Variants in DMD observed in about 807,000 individuals in gnomAD.
DMD encodes the protein mutant dystrophin.
In DMD, 63 loss-of-function variants were observed where a neutral mutation model predicts 330.1. The observed-to-expected ratio is 0.19, with a 90% CI of 0.16 to 0.24. The LOEUF is 0.24. Ranked by LOEUF, DMD falls within the 10% of genes least tolerant of loss-of-function variation. The pLI, the probability that DMD is intolerant of heterozygous loss-of-function variation, is 1.00. For missense variants in DMD, 3,344 were observed against 2,684.1 expected (o/e 1.25, Z -5.43); for synonymous variants, 1,223 against 959.8 (o/e 1.27, Z -5.07).
intron 55 of DMD, among the ~76,000 whole-genome samples, chrX:31,538,469 C>A (rs2073577211): frequency 1.8e-5 from 2 of 111,761 alleles, no homozygotes; most frequent in East Asian, 5.6e-4. Flanking sequence ...TAGTGTCTAG[C>A]CTAATGTTTG....
chrX:32,493,724 A>G (rs1205495700), intron 19 of DMD, among the ~76,000 whole-genome samples: 1 of 112,296 alleles, frequency 8.9e-6, no homozygotes, highest in Non-Finnish European at 1.9e-5. Context: ...TGGAAAATAA[A>G]AAGATAATTA....
intron 7 of DMD, among the ~76,000 whole-genome samples, chrX:32,781,461 A>G (rs2074753158): frequency 8.9e-6 from 1 of 112,211 alleles, no homozygotes; most frequent in African/African-American, 3.2e-5. Context: ...TTTGAAAAAC[A>G]GAAGACATTG....
At chrX:31,301,747 TTTTG>T (rs965360746) in intron 62 of DMD, among the ~76,000 whole-genome samples, 20 of 107,260 alleles carry the variant, frequency 1.9e-4, no homozygotes, top group African/African-American at 4.3e-4. Context: ...TTTGTTCTTT[TTTTG>T]TTTGTTTTTT....
intron 1 of DMD, among the ~76,000 whole-genome samples, chrX:33,053,057 A>G (rs1235232013): frequency 8.9e-6 from 1 of 112,021 alleles, no homozygotes; most frequent in Non-Finnish European, 1.9e-5. Context: ...ACTTTTTAGT[A>G]TGATAATAAA....
chrX:32,465,324 T>C (rs1168730262), intron 23 of DMD, among the ~76,000 whole-genome samples: 1 of 111,524 alleles, frequency 9.0e-6, no homozygotes, highest in Non-Finnish European at 1.9e-5. Context: ...TTTCTGCTGT[T>C]TTGCCACTTC....
chrX:31,898,933 T>C (rs1488919051), intron 47 of DMD, among the ~76,000 whole-genome samples: 1 of 112,093 alleles, frequency 8.9e-6, no homozygotes, highest in Admixed American at 9.5e-5. Context: ...ATTTAGTTAA[T>C]TAACTTAACC....
intron 51 of DMD, among the ~76,000 whole-genome samples, chrX:31,751,047 A>G (rs1456292245): frequency 1.8e-5 from 2 of 108,991 alleles, no homozygotes; most frequent in African/African-American, 3.3e-5. Context: ...GGAAGAATCA[A>G]TATCGTGTAA....
In DMD at chrX:32,949,379, TAGATAGATAGATAGAC is replaced by T. The variant is rs1256865984; in HGVS notation, c.93+70744_93+70759del. Among the ~76,000 whole-genome samples the T allele has an allele frequency of 7.5e-4, 70 of 93,052 alleles. 1 individual carries two copies. The highest frequency in any genetic ancestry group is 2.2e-3 in the South Asian group (5 of 2,236). 80.8% of individuals were successfully genotyped at this position (93,052 alleles called of 115,157 possible). A position where few individuals can be genotyped will look rare whatever the true frequency, so the allele number is the denominator to read the frequency against. On this transcript the variant is annotated intron_variant, in intron 2 of 78. Coordinates refer to ENST00000357033, the MANE Select transcript of DMD (RefSeq NM_004006.3). ...ATAGATAGATAGATAGATAGATAGA[TAGATAGATAGATAGAC>T]AGACAGACAGACAGACAGACAGATA...
intron 43 of DMD, among the ~76,000 whole-genome samples, chrX:32,235,446 C>T (rs1380441547): frequency 9.0e-6 from 1 of 111,326 alleles, no homozygotes; most frequent in Non-Finnish European, 1.9e-5. Context: ...CTTTGCGAAT[C>T]GGGTCCCTAA....
At chrX:32,832,926 C>A (rs1329688519) in intron 4 of DMD, among the ~76,000 whole-genome samples, 1 of 111,024 alleles carries the variant, frequency 9.0e-6, no homozygotes, top group Non-Finnish European at 1.9e-5. Context: ...ATTTTTGATT[C>A]AGATATAGAA....
intron 51 of DMD, among the ~76,000 whole-genome samples, chrX:31,740,532 C>T (rs1219662637): frequency 2.7e-5 from 3 of 112,336 alleles, no homozygotes; most frequent in Non-Finnish European, 3.8e-5. Context: ...ATGAGGCACA[C>T]GAATATTTTT....
At chrX:32,306,028 T>C (rs1297661948) in intron 42 of DMD, among the ~76,000 whole-genome samples, 1 of 105,643 alleles carries the variant, frequency 9.5e-6, no homozygotes, top group East Asian at 2.9e-4. Flanking sequence ...TGGTCCTATA[T>C]CCCCTTAACA....
At position 32,811,928 on chromosome X, in the gene DMD, A is replaced by T. The variant is rs746954673; in HGVS notation, c.531-2317T>A. 4.5e-5 allele frequency among the ~76,000 whole-genome samples: 5 copies of T among 112,125 alleles called. No homozygotes were observed. The South Asian group carries it at 1.9e-3, about 42-fold the overall frequency. The stretch of plus-strand genomic sequence containing the variant: ...GTTCTTAGGGAAGGAAAAAAGCAAA[A>T]CATGCTCAGATAATCAAGACCTCAC... On this transcript the variant is annotated intron_variant, in intron 6 of 78. Transcript: ENST00000357033.
intron 52 of DMD, among the ~76,000 whole-genome samples, chrX:31,720,884 T>A (rs935191823): frequency 3.6e-5 from 4 of 111,769 alleles, no homozygotes; most frequent in African/African-American, 1.3e-4. Context: ...ATTTGGATTT[T>A]AAATCCTATT....
At chrX:33,106,948 T>C (rs760210201) in intron 1 of DMD, among the ~76,000 whole-genome samples, 1 of 112,015 alleles carries the variant, frequency 8.9e-6, no homozygotes, top group Non-Finnish European at 1.9e-5. Flanking sequence ...TAAGGTTTTG[T>C]GGTAGTCAGG....
At chrX:32,483,820 CAAAAAAAA>C (rs770119472) in intron 21 of DMD, among the ~76,000 whole-genome samples, 15 of 37,257 alleles carry the variant, frequency 4.0e-4, no homozygotes, top group Non-Finnish European at 5.2e-4. Context: ...CTCTGAAGTA[CAAAAAAAA>C]AAAAAAAAAA....
intron 48 of DMD, among the ~76,000 whole-genome samples, chrX:31,854,326 A>T (rs1280745127): frequency 8.9e-6 from 1 of 111,944 alleles, no homozygotes; most frequent in Non-Finnish European, 1.9e-5. Flanking sequence ...TGCATACTCT[A>T]ATCAATGGTA....
chrX:32,661,523 A>G (rs1451381077), intron 9 of DMD, among the ~76,000 whole-genome samples: 1 of 111,634 alleles, frequency 9.0e-6, no homozygotes, highest in Non-Finnish European at 1.9e-5. Flanking sequence ...CTTTTTTGTA[A>G]TAACTCAAGG....
intron 5 of DMD, among the ~76,000 whole-genome samples, chrX:32,821,877 A>G (rs2078290224): frequency 9.0e-6 from 1 of 110,626 alleles, no homozygotes; most frequent in African/African-American, 3.3e-5. Flanking sequence ...TTAGATCGCT[A>G]TGATGGCTAT....
Sources: allele counts gnomAD v4.1 joint callset (sites outside exome capture counted in the v4.1 genomes callset), GRCh38; gene constraint gnomAD v4.1.1; transcripts MANE v1.5; gene names NCBI Gene and HGNC (gene_info 2026-07-23, HGNC 2026-07-21).